SPATA31C2: variants seen among roughly 807,000 people sequenced by gnomAD.
SPATA31C2 encodes the protein SPATA31 subfamily C member 2, also known as spermatogenesis-associated protein 31C2.
In SPATA31C2, 5 loss-of-function variants were observed where a neutral mutation model predicts 11.4. The observed-to-expected ratio is 0.44, with a 90% CI of 0.23 to 0.92. The LOEUF is 0.92. Among genes scored for constraint, SPATA31C2 ranks in the 40% least tolerant of loss-of-function variants. The pLI is 0.24. For synonymous variants in SPATA31C2, 515 were observed against 538.7 expected (o/e 0.96, Z 0.61); for missense variants, 1,353 against 1,368.6 (o/e 0.99, Z 0.18).
At position 88,131,477 on chromosome 9, in the gene SPATA31C2, A is replaced by G. The variant is rs2118708793; in HGVS notation, c.1560T>C (p.Ile520=). ...ERDPCPHLGQ[I]LGETPQNLSR... ...ATAGATTTTGTGGGGTCTCACCCAGAATTTGCCCCAGATGTGGGCATGGGT... is the reference window on the plus strand; with the variant it reads ...ATAGATTTTGTGGGGTCTCACCCAGGATTTGCCCCAGATGTGGGCATGGGT... The change falls in exon 4 of 4, where the codon ATT becomes ATC. Residue 520 remains isoleucine (I), a synonymous_variant. Coordinates refer to ENST00000324915, the MANE Select transcript of SPATA31C2 (RefSeq NM_001350978.3). 6.2e-7 allele frequency: 1 copy of G among 1,611,832 alleles called. No homozygotes were observed. The highest frequency in any genetic ancestry group is 2.2e-5 in the East Asian group (1 of 44,848).
At chr9:88,135,626 C>A (rs1172312004) in intron 1 of SPATA31C2, among the ~76,000 whole-genome samples, 2 of 137,014 alleles carry the variant, frequency 1.5e-5, no homozygotes, top group Non-Finnish European at 3.1e-5. Flanking sequence ...ATTCTCCTGT[C>A]TCAGCCTCCT....
In SPATA31C2 at chr9:88,135,385, C is replaced by G. The variant is rs1208099458; in HGVS notation, c.190-1716G>C. ...TCGTTCGTCCTCAACTCCGGCTTTC[C>G]CACACAATGTTTTTGTCTTCTGTGA... On this transcript the variant is annotated intron_variant, in intron 1 of 3. Coordinates refer to ENST00000324915, the MANE Select transcript of SPATA31C2 (RefSeq NM_001350978.3). Among the ~76,000 whole-genome samples, 4 of 90,036 alleles carry G rather than the reference C, an allele frequency of 4.4e-5. 2 individuals carry two copies. Among genetic ancestry groups the G allele is most frequent in the East Asian group, 1.4e-3 (2 of 1,440 alleles). The allele number at this position is 90,036 out of a possible 152,430, so 59.1% of individuals were successfully genotyped here. A position where few individuals can be genotyped will look rare whatever the true frequency, so the allele number is the denominator to read the frequency against.
chr9:88,136,348 T>C (rs1264530195), intron 1 of SPATA31C2, among the ~76,000 whole-genome samples: 21 of 135,900 alleles, frequency 1.5e-4, no homozygotes, highest in Admixed American at 3.8e-4. Context: ...CAGTGAAATA[T>C]CGGTTCGTGC....
At chr9:88,136,621 C>T (rs1286990609) in intron 1 of SPATA31C2, among the ~76,000 whole-genome samples, 1 of 146,586 alleles carries the variant, frequency 6.8e-6, no homozygotes, top group East Asian at 2.1e-4. Flanking sequence ...TTCATCAAGT[C>T]CTAGGACCTG....
Position 88,130,469 on chromosome 9 carries a change from A to G in SPATA31C2, c.2568T>C (p.Val856=). Residue 856 remains valine, a synonymous_variant, in exon 4 of 4, where the codon GTT becomes GTC. Transcript: ENST00000324915. ...PRKLCLMEEA[V]SEFEPGKATK... ...TGGCCTTTCCAGGCTCAAATTCACT[A>G]ACAGCCTCCTCCATGAGACACAGCT... 1 of 1,613,376 alleles carries G rather than the reference A, an allele frequency of 6.2e-7. No homozygotes were observed. The highest frequency in any genetic ancestry group is 8.5e-7 in the Non-Finnish European group (1 of 1,179,550).
rs760522477 is a variant in SPATA31C2 at position 88,132,612 on chromosome 9, C to A, written c.425G>T (p.Arg142Leu). ...GTCTTCCGTAGGCTCATGAGAGGAC[C>A]GGGAGGCTCCATCAGGTGTTCTTTT... is the stretch of plus-strand genomic sequence containing the variant. ...VGKRTPDGASRSSHEPTEDAA... is the reference protein window; with the variant it reads ...VGKRTPDGASLSSHEPTEDAA... Residue 142 changes from arginine (R) to leucine (L), a missense_variant, in exon 4 of 4, where the codon CGG (arginine) becomes CTG (leucine). Transcript: ENST00000324915. 6.2e-7 allele frequency: 1 copy of A among 1,609,716 alleles called. No homozygotes were observed. Among genetic ancestry groups the A allele is most frequent in the Admixed American group, 1.7e-5 (1 of 59,680 alleles).
rs1468433700 is a variant in SPATA31C2 at position 88,130,649 on chromosome 9, C to T, written c.2388G>A (p.Glu796=). 1.9e-6 allele frequency: 3 copies of T among 1,613,772 alleles called. No homozygotes were observed. The highest frequency in any genetic ancestry group is 2.5e-6 in the Non-Finnish European group (3 of 1,179,850). ...SLGAQSSRAG[E]TREAVPQPTV... The stretch of plus-strand genomic sequence containing the variant: ...TGGGTTGTGGCACTGCCTCCCTGGT[C>T]TCTCCAGCCCTTGAAGATTGGGCTC... The change falls in exon 4 of 4, where the codon GAG becomes GAA. Residue 796 remains glutamate, a synonymous_variant. Coordinates refer to ENST00000324915, the MANE Select transcript of SPATA31C2 (RefSeq NM_001350978.3).
Position 88,136,556 on chromosome 9 carries a change from C to G in SPATA31C2, c.189+1702G>C, listed in dbSNP as rs868859596. Among the ~76,000 whole-genome samples, 606 of 143,022 alleles carry G rather than the reference C, an allele frequency of 4.2e-3. 3 individuals are homozygous for G. The highest frequency in any genetic ancestry group is 0.012 in the African/African-American group (436 of 37,734). 93.8% of individuals were successfully genotyped at this position (143,022 alleles called of 152,430 possible). ...AAAAGTTTTAAATTTTGATAACATCCAATTAATAAATTCTTAGAATTGATT... is the reference window on the plus strand; with the variant it reads ...AAAAGTTTTAAATTTTGATAACATCGAATTAATAAATTCTTAGAATTGATT... On this transcript the variant is annotated intron_variant, in intron 1 of 3. Coordinates refer to ENST00000324915, the MANE Select transcript of SPATA31C2 (RefSeq NM_001350978.3).
rs1384091390 is a variant in SPATA31C2, at chr9:88,130,302, A to G, written c.2735T>C (p.Met912Thr). The change falls in exon 4 of 4, where the codon ATG becomes ACG. Residue 912 changes from methionine to threonine, a missense_variant. This residue lies in a region of SPATA31C2 where 1,075 missense variants were observed against 992.8 expected (regional missense o/e 1.08). Coordinates refer to ENST00000324915, the MANE Select transcript of SPATA31C2 (RefSeq NM_001350978.3). ...GHLQSMPTGN[M>T]QASQELCDLM... is the part of the protein sequence containing the mutation. ...GTCACATAGCTCCTGGGAAGCCTGC[A>G]TGTTCCCAGTAGGCATGCTCTGGAG... The G allele has an allele frequency of 1.2e-6, 2 of 1,608,958 alleles. No individual in the cohort carries two copies. Among genetic ancestry groups the G allele is most frequent in the African/African-American group, 2.7e-5 (2 of 74,660 alleles).
Position 88,132,364 on chromosome 9 carries a change from G to A in SPATA31C2, c.673C>T (p.Pro225Ser), listed in dbSNP as rs1211387668. The change falls in exon 4 of 4, where the codon CCT becomes TCT. Residue 225 changes from proline to serine, a missense_variant. Physicochemically the swap from Pro to Ser is moderately conservative, Grantham distance 74. Transcript: ENST00000324915. ...RTPDPLACSP[P>S]PPKGFTPPPL... The stretch of plus-strand genomic sequence containing the variant: ...GGAGGAGTGAAGCCTTTCGGAGGAG[G>A]CGGAGAGCAGGCCAGAGGATCAGGA... The A allele has an allele frequency of 1.9e-6, 3 of 1,611,000 alleles. No homozygotes were observed. The highest frequency in any genetic ancestry group is 3.3e-5 in the Admixed American group (2 of 59,842).
Position 88,130,139 on chromosome 9 carries a change from T to C in SPATA31C2, c.2898A>G (p.Lys966=), listed in dbSNP as rs749471527. 11 of 1,608,180 alleles carry C rather than the reference T, an allele frequency of 6.8e-6. No individual in the cohort carries two copies. The highest frequency in any genetic ancestry group is 9.3e-6 in the Non-Finnish European group (11 of 1,177,650). The change falls in exon 4 of 4, where the codon AAA becomes AAG. Residue 966 remains lysine (K), a synonymous_variant. Transcript: ENST00000324915. ...TCAATCCTTGAAACATTTCTTCATG[T>C]TTTTCTAAGTTGGGCTTCCTAGAGT... ...RENSRKPNLE[K]HEEMFQGLRT... is the part of the protein sequence containing the mutation.
At chr9:88,133,878 A>C (rs576075718) in intron 1 of SPATA31C2, among the ~76,000 whole-genome samples, 27 of 152,194 alleles carry the variant, frequency 1.8e-4, no homozygotes, top group African/African-American at 5.3e-4. Context: ...GCAGTGGCTC[A>C]CGGTGCGGTG....
At position 88,132,464 on chromosome 9, in the gene SPATA31C2, C is replaced by T. The variant is rs764344698; in HGVS notation, c.573G>A (p.Gln191=). ...TTSVSSLSAS[Q]PPEPSLLLEH... is the part of the protein sequence containing the mutation. ...CTAGGAGAAGGGAAGGTTCTGGTGG[C>T]TGGGAGGCACTTAGGGAGGAGACTG... Residue 191 remains glutamine (Q), a synonymous_variant, in exon 4 of 4, where the codon CAG becomes CAA. Coordinates refer to ENST00000324915, the MANE Select transcript of SPATA31C2 (RefSeq NM_001350978.3). 1 of 1,611,190 alleles carries T rather than the reference C, an allele frequency of 6.2e-7. No homozygotes were observed. Among genetic ancestry groups the T allele is most frequent in the Non-Finnish European group, 8.5e-7 (1 of 1,178,098 alleles).
rs759842353 is a variant in SPATA31C2, at chr9:88,132,397, G to A, written c.640C>T (p.Pro214Ser). 17 of 1,611,092 alleles carry A rather than the reference G, an allele frequency of 1.1e-5. No individual in the cohort carries two copies. Among genetic ancestry groups the A allele is most frequent in the Non-Finnish European group, 1.4e-5 (16 of 1,178,098 alleles). ...CAGGCCAGAGGATCAGGAGTGCGTG[G>A]TGGGTGAGGGAAAAGTGCAGGTGGC... ...PEPPALFPHP[P>S]RTPDPLACSP... Residue 214 changes from proline (P) to serine (S), a missense_variant, in exon 4 of 4, where the codon CCA (proline) becomes TCA (serine). Coordinates refer to ENST00000324915, the MANE Select transcript of SPATA31C2 (RefSeq NM_001350978.3).
rs769666052 is a variant in SPATA31C2 at position 88,131,793 on chromosome 9, C to T, written c.1244G>A (p.Arg415Lys). The change falls in exon 4 of 4, where the codon AGG becomes AAG. Residue 415 changes from arginine (R) to lysine (K), a missense_variant. By Grantham distance (26) the Arg-to-Lys change is conservative (BLOSUM62 2). Coordinates refer to ENST00000324915, the MANE Select transcript of SPATA31C2 (RefSeq NM_001350978.3). ...QLEGGLALPS[R>K]VQKSQDVFSV... ...AAAGACGTCCTGAGATTTTTGGACC[C>T]TAGAGGGTAAAGCCAACCCACCTTC... is the stretch of plus-strand genomic sequence containing the variant. 22 of 1,611,486 alleles carry T rather than the reference C, an allele frequency of 1.4e-5. No individual in the cohort carries two copies. The highest frequency in any genetic ancestry group is 1.5e-5 in the Non-Finnish European group (18 of 1,179,640).
rs1825617031 is a variant in SPATA31C2, at chr9:88,132,486, A to G, written c.551T>C (p.Val184Ala). 6.2e-7 allele frequency: 1 copy of G among 1,610,836 alleles called. No homozygotes were observed. Among genetic ancestry groups the G allele is most frequent in the Admixed American group, 1.7e-5 (1 of 59,822 alleles). ...TGGCTGGGAGGCACTTAGGGAGGAG[A>G]CTGAGGTGGTCATTGGGCCTGGTGG... ...TPPPGPMTTS[V>A]SSLSASQPPE... Residue 184 changes from valine (V) to alanine (A), a missense_variant, in exon 4 of 4, where the codon GTC becomes GCC. By Grantham distance (64) the Val-to-Ala change is moderately conservative. Around this residue, in one of 6 missense-constraint regions of SPATA31C2, gnomAD observed 1,075 missense variants for 992.8 expected, o/e 1.08. Coordinates refer to ENST00000324915, the MANE Select transcript of SPATA31C2 (RefSeq NM_001350978.3).
rs1365383435 is a variant in SPATA31C2, at chr9:88,134,080, T to C, written c.190-411A>G. ...TAAGACAGGAGAATAGCTTGAACTC[T>C]GGAAGCAAAGGTGGCACTGAGCCGG... On this transcript the variant is annotated intron_variant, in intron 1 of 3. Coordinates refer to ENST00000324915, the MANE Select transcript of SPATA31C2 (RefSeq NM_001350978.3). Among the ~76,000 whole-genome samples, 5 of 150,242 alleles carry C rather than the reference T, an allele frequency of 3.3e-5. No individual in the cohort carries two copies. The East Asian group carries it at 7.9e-4, about 24-fold the overall frequency.
chr9:88,132,344 A>G lies in SPATA31C2; in HGVS notation c.693T>C (p.Thr231=), dbSNP rs781349213. ...GAGTGGAGTCCCGCAGGGGAGGAGGAGTGAAGCCTTTCGGAGGAGGCGGAG... is the reference window on the plus strand; with the variant it reads ...GAGTGGAGTCCCGCAGGGGAGGAGGGGTGAAGCCTTTCGGAGGAGGCGGAG... ...ACSPPPPKGF[T]PPPLRDSTLL... The change falls in exon 4 of 4, where the codon ACT becomes ACC. Residue 231 remains threonine, a synonymous_variant. Coordinates refer to ENST00000324915, the MANE Select transcript of SPATA31C2 (RefSeq NM_001350978.3). 1 of 1,610,846 alleles carries G rather than the reference A, an allele frequency of 6.2e-7. No homozygotes were observed. Among genetic ancestry groups the G allele is most frequent in the Non-Finnish European group, 8.5e-7 (1 of 1,177,964 alleles).
In SPATA31C2 at chr9:88,131,304, G is replaced by T. The variant is rs1825589215; in HGVS notation, c.1733C>A (p.Ala578Asp). ...ERNHIENILK[A>D]HMSRKLGQTN... ...CTGGCCCAACTTTCTGCTCATGTGG[G>T]CTTTCAGGATGTTTTCTATATGATT... Residue 578 changes from alanine (A) to aspartate (D), a missense_variant, in exon 4 of 4, where the codon GCC becomes GAC. Coordinates refer to ENST00000324915, the MANE Select transcript of SPATA31C2 (RefSeq NM_001350978.3). 1 of 1,611,736 alleles carries T rather than the reference G, an allele frequency of 6.2e-7. No homozygotes were observed.
Sources: gnomAD v4.1 joint callset for allele counts (sites outside exome capture counted in the v4.1 genomes callset) on GRCh38, gnomAD v4.1.1 for gene constraint, gnomAD v4.1.1 regional missense constraint, MANE v1.5 for transcripts, NCBI Gene and HGNC (gene_info 2026-07-23, HGNC 2026-07-21) for gene names.